The following IKZF1 variants were observed in gnomAD, a reference collection of about 807,000 sequenced individuals.
The protein encoded by IKZF1 is IKAROS family zinc finger 1.
In IKZF1, 10 loss-of-function variants were observed where a neutral mutation model predicts 51.7. The ratio of observed to expected loss-of-function variants is 0.19; its 90% CI spans 0.12 to 0.33. IKZF1 has a LOEUF of 0.33. Among genes scored for constraint, IKZF1 ranks in the 10% least tolerant of loss-of-function variants. IKZF1 has a pLI of 1.00. For missense variants in IKZF1, 484 were observed against 707.5 expected, an observed-to-expected ratio of 0.68 and a Z score of 3.58; for synonymous variants, 280 against 282.3, an observed-to-expected ratio of 0.99 and a Z score of 0.08.
intron 3 of IKZF1, among the ~76,000 whole-genome samples, chr7:50,366,887 G>A (rs1807131936): frequency 6.6e-6 from 1 of 152,164 alleles, no homozygotes; most frequent in South Asian, 2.1e-4. Flanking sequence ...TCCATATGGA[G>A]GCAATCAGTT....
In IKZF1 at chr7:50,327,764, G is replaced by T. The variant is rs2153384990; in HGVS notation, c.160+7G>T. 2 of 1,607,382 alleles carry T rather than the reference G, an allele frequency of 1.2e-6. No homozygotes were observed. Among genetic ancestry groups the T allele is most frequent in the Non-Finnish European group, 1.7e-6 (2 of 1,176,976 alleles). ...AAGAGTGACAGAGTCGTGGGTAAGT[G>T]GGTCACCAGCGGCCTCTGTGCCTGT... On this transcript the variant is annotated splice_region_variant and intron_variant, in intron 3 of 7. Coordinates refer to ENST00000331340, the MANE Select transcript of IKZF1 (RefSeq NM_006060.6).
upstream of IKZF1, among the ~76,000 whole-genome samples, chr7:50,303,703 G>C (rs980360949): frequency 5.3e-5 from 8 of 152,166 alleles, no homozygotes; most frequent in East Asian, 1.6e-3. The surrounding 1 kb of genome is among the most constrained non-coding windows in gnomAD (Gnocchi z 4.7). Context: ...AGCGTACAGC[G>C]GGCGCTCCCA....
At chr7:50,353,718 C>A (rs529372966) in intron 3 of IKZF1, among the ~76,000 whole-genome samples, 11 of 152,342 alleles carry the variant, frequency 7.2e-5, no homozygotes, top group Non-Finnish European at 1.5e-4. Flanking sequence ...AAGGGGCTCT[C>A]TTTTCAGCGA....
intron 3 of IKZF1, among the ~76,000 whole-genome samples, chr7:50,353,888 G>A (rs1802534011): frequency 6.6e-6 from 1 of 152,184 alleles, no homozygotes; most frequent in South Asian, 2.1e-4. Context: ...CCTGCCCCCA[G>A]CACCTCTGTT....
At chr7:50,357,824 G>C (rs1430806050) in intron 3 of IKZF1, among the ~76,000 whole-genome samples, 1 of 152,202 alleles carries the variant, frequency 6.6e-6, no homozygotes, top group Non-Finnish European at 1.5e-5. Flanking sequence ...AACGAGTTAA[G>C]AAATGGGCTT....
At chr7:50,313,549 G>A (rs993715498) in intron 1 of IKZF1, among the ~76,000 whole-genome samples, 4 of 152,200 alleles carry the variant, frequency 2.6e-5, no homozygotes, top group Admixed American at 1.3e-4. Flanking sequence ...TTTGGAGTGT[G>A]CGACCCCTGC....
At chr7:50,387,582 C>T (rs543194854) in intron 6 of IKZF1, 112 bp downstream of exon 6, 16 of 1,385,872 alleles carry the variant, frequency 1.2e-5, no homozygotes, top group African/African-American at 4.5e-5. Flanking sequence ...TGCTTCCTGC[C>T]GGGGCTAGGA....
intron 5 of IKZF1, among the ~76,000 whole-genome samples, 163 bp from the exon 6 acceptor site, chr7:50,387,182 A>G (rs140547755): frequency 1.4e-4 from 21 of 152,274 alleles, no homozygotes; most frequent in Non-Finnish European, 2.2e-4. Context: ...TTGGCCACCA[A>G]CGTTTTTAAA....
At chr7:50,363,076 T>C (rs1323597554) in intron 3 of IKZF1, among the ~76,000 whole-genome samples, 1 of 152,060 alleles carries the variant, frequency 6.6e-6, no homozygotes, top group Non-Finnish European at 1.5e-5. Context: ...CCCCTGTGGG[T>C]TGGAATGTAT....
intron 1 of IKZF1, among the ~76,000 whole-genome samples, chr7:50,309,141 G>C (rs553572846): frequency 6.6e-6 from 1 of 152,172 alleles, no homozygotes; most frequent in Admixed American, 6.5e-5. Flanking sequence ...GCGGGGCCAC[G>C]GCTTAACAAA....
intron 1 of IKZF1, among the ~76,000 whole-genome samples, chr7:50,310,505 G>A (rs956258934): frequency 5.9e-5 from 9 of 152,072 alleles, no homozygotes; most frequent in Admixed American, 5.9e-4. Flanking sequence ...TTTTACTGAT[G>A]AGCCCCCTCC....
intron 1 of IKZF1, among the ~76,000 whole-genome samples, chr7:50,307,101 A>G (rs560551893): frequency 2.2e-4 from 34 of 152,272 alleles, no homozygotes; most frequent in Admixed American, 1.3e-3. Flanking sequence ...GGCCCCCTTT[A>G]TTTTTAAACT....
intron 5 of IKZF1, 122 bp from the exon 6 acceptor site, chr7:50,387,223 T>G: frequency 7.5e-7 from 1 of 1,341,176 alleles, no homozygotes; most frequent in South Asian, 1.8e-5. Context: ...CGTAACAGTT[T>G]TAGCTCTCAA....
chr7:50,336,535 T>G (rs942958318), intron 3 of IKZF1, among the ~76,000 whole-genome samples: 1 of 152,050 alleles, frequency 6.6e-6, no homozygotes, highest in Non-Finnish European at 1.5e-5. Flanking sequence ...AGGGGGCCTG[T>G]CAGATAGCTC....
chr7:50,368,956 A>G, intron 3 of IKZF1: 1 of 222,038 alleles, frequency 4.5e-6, no homozygotes, highest in Middle Eastern at 1.4e-3. Flanking sequence ...ATCAAAAACT[A>G]TCTGGTGTCT....
chr7:50,389,180 G>A (rs1025214241), intron 6 of IKZF1, among the ~76,000 whole-genome samples: 2 of 152,206 alleles, frequency 1.3e-5, no homozygotes, highest in African/African-American at 2.4e-5. Context: ...GCTTAAATGC[G>A]ACTGATAATT....
At chr7:50,362,711 A>C (rs1002117227) in intron 3 of IKZF1, among the ~76,000 whole-genome samples, 4 of 152,146 alleles carry the variant, frequency 2.6e-5, no homozygotes, top group Non-Finnish European at 4.4e-5. Flanking sequence ...AGATTTTGAC[A>C]CAGGACTGGA....
chr7:50,365,160 A>C (rs1806492624), intron 3 of IKZF1, among the ~76,000 whole-genome samples: 1 of 152,238 alleles, frequency 6.6e-6, no homozygotes, highest in African/African-American at 2.4e-5. Flanking sequence ...ATTGGCTCCC[A>C]AAAGATACTG....
intron 6 of IKZF1, among the ~76,000 whole-genome samples, chr7:50,387,750 T>C (rs1813826670): frequency 6.6e-6 from 1 of 152,212 alleles, no homozygotes; most frequent in Non-Finnish European, 1.5e-5. Context: ...CTTGAAAGTT[T>C]TGGGGTTGTT....
Sources: allele counts gnomAD v4.1 joint callset (sites outside exome capture counted in the v4.1 genomes callset), GRCh38; gene constraint gnomAD v4.1.1; non-coding constraint Gnocchi (gnomAD v3.1); transcripts MANE v1.5; gene names NCBI Gene and HGNC (gene_info 2026-07-23, HGNC 2026-07-21).